The following EEF1D variants were observed in gnomAD, a reference collection of about 807,000 sequenced individuals.
EEF1D encodes the protein eukaryotic translation elongation factor 1 delta.
In EEF1D, 47 loss-of-function variants were observed where a neutral mutation model predicts 63.9. The ratio of observed to expected loss-of-function variants is 0.74; its 90% CI spans 0.58 to 0.94. The LOEUF (loss-of-function observed/expected upper bound fraction) is 0.94, where lower values mean the gene tolerates loss of function less well. Ranked by LOEUF, EEF1D falls within the 40% of genes least tolerant of loss-of-function variation. The pLI, the probability that EEF1D is intolerant of heterozygous loss-of-function variation, is 0.00. For synonymous variants in EEF1D, 412 were observed against 386.1 expected (o/e 1.07, Z -0.79); for missense variants, 907 against 899.0 (o/e 1.01, Z -0.11).
At position 143,581,257 on chromosome 8, in the gene EEF1D, C is replaced by T. The variant is rs1484159575; in HGVS notation, c.1359G>A (p.Leu453=). The T allele has an allele frequency of 1.9e-6, 3 of 1,612,760 alleles. No individual in the cohort carries two copies. The highest frequency in any genetic ancestry group is 2.5e-6 in the Non-Finnish European group (3 of 1,180,004). ...HGELVVRIAS[L]EVENQSLRGV... ...CACGCAGACTCTGGTTCTCCACTTCCAGACTGGCAATCCGGACGACGAGCT... is the reference window on the plus strand; with the variant it reads ...CACGCAGACTCTGGTTCTCCACTTCTAGACTGGCAATCCGGACGACGAGCT... The change falls in exon 6 of 10, where the codon CTG becomes CTA. Residue 453 remains leucine (L), a synonymous_variant. Transcript: ENST00000618139.
intron 1 of EEF1D, chr8:143,593,852 C>T (rs896513566): frequency 1.4e-5 from 14 of 985,280 alleles, no homozygotes; most frequent in East Asian, 1.1e-4. Flanking sequence ...CCCCGCTTCC[C>T]GCATTCCCAA....
At position 143,586,206 on chromosome 8, in the gene EEF1D, C is replaced by T. The variant is rs562856798; in HGVS notation, c.1287+13G>A. On this transcript the variant is annotated intron_variant, in intron 5 of 9. Coordinates refer to ENST00000618139, the MANE Select transcript of EEF1D (RefSeq NM_001130053.5). ...AGCAGGAGCCCGCAGGTCCGTGGGC[C>T]GCGGGTACTCACTCCAGCCAGGGAT... is the stretch of plus-strand genomic sequence containing the variant. 1.2e-5 allele frequency: 19 copies of T among 1,605,202 alleles called. No homozygotes were observed. The highest frequency in any genetic ancestry group is 2.2e-5 in the South Asian group (2 of 90,122).
intron 2 of EEF1D, chr8:143,590,659 C>T (rs1409856018): frequency 1.1e-6 from 1 of 894,380 alleles, no homozygotes. Flanking sequence ...AATCCCAACA[C>T]TTTGGGAGGC....
intron 4 of EEF1D, 71 bp from the exon 5 acceptor site, chr8:143,586,361 A>G: frequency 7.3e-7 from 1 of 1,368,976 alleles, no homozygotes; most frequent in Non-Finnish European, 9.8e-7. Context: ...AAACAAACCA[A>G]AAAACCCCAT....
chr8:143,581,705 C>T, intron 5 of EEF1D: 1 of 244,004 alleles, frequency 4.1e-6, no homozygotes, highest in Non-Finnish European at 8.0e-6. Flanking sequence ...GACCAGGCAG[C>T]ACTGGAAATG....
At chr8:143,586,365 A>G (rs1826615149) in intron 4 of EEF1D, 75 bp from the exon 5 acceptor site, 2 of 1,305,316 alleles carry the variant, frequency 1.5e-6, no homozygotes, top group Admixed American at 2.7e-5. Flanking sequence ...AAACCAAAAA[A>G]CCCCATGAAC....
chr8:143,582,089 G>A (rs1825667945), intron 5 of EEF1D: 1 of 152,324 alleles, frequency 6.6e-6, no homozygotes. Context: ...CTCTCTGTGG[G>A]GAGGGGCCTG....
intron 5 of EEF1D, chr8:143,583,890 G>A (rs1033802971): frequency 2.0e-5 from 3 of 152,366 alleles, no homozygotes; most frequent in African/African-American, 4.8e-5. Flanking sequence ...CAGCAGGAGC[G>A]AGGGAGGGGA....
rs748452661 is a variant in EEF1D at position 143,586,301 on chromosome 8, T to G, written c.1216-11A>C. ...GCTGGCGCCGTTCTCCTGCAGACAG[T>G]GCAGAAAGAACCAGTCTTTTTTTTA... On this transcript the variant is annotated splice_polypyrimidine_tract_variant and intron_variant, in intron 4 of 9. Coordinates refer to ENST00000618139, the MANE Select transcript of EEF1D (RefSeq NM_001130053.5). 6.4e-7 allele frequency: 1 copy of G among 1,557,858 alleles called. No homozygotes were observed. Among genetic ancestry groups the G allele is most frequent in the Non-Finnish European group, 8.6e-7 (1 of 1,156,458 alleles).
In EEF1D at chr8:143,581,069, C is replaced by G; in HGVS notation, c.1473G>C (p.Thr491=). Residue 491 remains threonine, a synonymous_variant, in exon 7 of 10, where the codon ACG becomes ACC. Coordinates refer to ENST00000618139, the MANE Select transcript of EEF1D (RefSeq NM_001130053.5). ...LEKSSPGHRA[T]APQTQHVSPM... Reference sequence around the variant, plus strand: ...GAGCATTCACCTGGGTCTGTGGGGCCGTGGCCCGGTGGCCAGGCGAGCTCT... The same window carrying G: ...GAGCATTCACCTGGGTCTGTGGGGCGGTGGCCCGGTGGCCAGGCGAGCTCT... The G allele has an allele frequency of 6.2e-7, 1 of 1,611,902 alleles. No homozygotes were observed. Among genetic ancestry groups the G allele is most frequent in the Non-Finnish European group, 8.5e-7 (1 of 1,179,938 alleles).
At chr8:143,590,305 G>A (rs377139415) in intron 2 of EEF1D, 3 of 712,740 alleles carry the variant, frequency 4.2e-6, no homozygotes, top group South Asian at 3.6e-5. Context: ...CAGGCCGGGC[G>A]CAGTGGCTCA....
chr8:143,590,890 G>A (rs1410207407), intron 2 of EEF1D: 1 of 152,256 alleles, frequency 6.6e-6, no homozygotes, highest in Non-Finnish European at 1.5e-5. Context: ...CTGGACAACA[G>A]AGCAGGGGAA....
At chr8:143,592,542 C>T (rs541030968) in intron 2 of EEF1D, 105 bp downstream of exon 2, 1 of 940,856 alleles carries the variant, frequency 1.1e-6, no homozygotes. Flanking sequence ...TCTGGGCAGA[C>T]TGGGCCATGC....
rs777455462 is a variant in EEF1D, at chr8:143,589,926, G to A, written c.156C>T (p.Pro52=). The A allele has an allele frequency of 1.8e-5, 29 of 1,599,856 alleles. No homozygotes were observed. Among genetic ancestry groups the A allele is most frequent in the East Asian group, 2.2e-5 (1 of 44,790 alleles). ...LPAEGPAMNG[P]GQDDPEDADE... is the part of the protein sequence containing the mutation. ...CAGCGTCCTCAGGGTCGTCCTGGCC[G>A]GGCCCATTCATGGCTGGCCCCTCGG... The change falls in exon 3 of 10, where the codon CCC becomes CCT. Residue 52 remains proline (P), a synonymous_variant. Coordinates refer to ENST00000618139, the MANE Select transcript of EEF1D (RefSeq NM_001130053.5).
chr8:143,581,671 G>C (rs1394793059), intron 5 of EEF1D: 1 of 349,080 alleles, frequency 2.9e-6, no homozygotes, highest in African/African-American at 2.1e-5. Context: ...CAGTCCTAGG[G>C]ACAACCTGGG....
chr8:143,586,986 G>T, intron 3 of EEF1D, 134 bp from the exon 4 acceptor site: 1 of 1,234,418 alleles, frequency 8.1e-7, no homozygotes, highest in Non-Finnish European at 1.1e-6. Flanking sequence ...GCGACACCAA[G>T]CCCGTAAGCC....
intron 2 of EEF1D, among the ~76,000 whole-genome samples, chr8:143,591,828 A>G (rs989391102): frequency 2.6e-5 from 4 of 152,246 alleles, no homozygotes; most frequent in Non-Finnish European, 2.9e-5. Context: ...GCTGGCTCCA[A>G]CGCCCCCCGT....
intron 1 of EEF1D, among the ~76,000 whole-genome samples, chr8:143,595,298 T>C (rs1333802039): frequency 6.6e-6 from 1 of 152,218 alleles, no homozygotes; most frequent in Non-Finnish European, 1.5e-5. Flanking sequence ...CTCGAACTCC[T>C]GACCTCAGGT....
chr8:143,585,719 G>A (rs1455595195), intron 5 of EEF1D, among the ~76,000 whole-genome samples: 6 of 152,230 alleles, frequency 3.9e-5, no homozygotes, highest in Non-Finnish European at 1.5e-5. Flanking sequence ...CCGGGGCCTG[G>A]AGGCCAAGCA....
Sources: allele counts gnomAD v4.1 joint callset (sites outside exome capture counted in the v4.1 genomes callset), GRCh38; gene constraint gnomAD v4.1.1; transcripts MANE v1.5; gene names NCBI Gene and HGNC (gene_info 2026-07-23, HGNC 2026-07-21).